The following SMAD3 variants were observed in gnomAD, a reference collection of about 807,000 sequenced individuals.
SMAD3 encodes the protein MAD homolog 3.
SMAD3 carries 12 observed loss-of-function variants against 51.8 expected under a neutral mutation model. That is an observed-to-expected ratio of 0.23 (90% CI 0.15 to 0.38). SMAD3 has a LOEUF of 0.38. Among genes scored for constraint, SMAD3 ranks in the 10% least tolerant of loss-of-function variants. The probability of loss-of-function intolerance (pLI) is 1.00; values close to 1 mark genes in which losing one functional copy is unlikely to be tolerated. For synonymous variants in SMAD3, 238 were observed against 227.7 expected, an observed-to-expected ratio of 1.05 and a Z score of -0.41; for missense variants, 294 against 565.6, an observed-to-expected ratio of 0.52 and a Z score of 4.87.
chr15:67,087,645 C>T (rs1403896642), intron 1 of SMAD3, among the ~76,000 whole-genome samples: 2 of 152,208 alleles, frequency 1.3e-5, no homozygotes, highest in African/African-American at 4.8e-5. Flanking sequence ...CCTTTCCCGG[C>T]GGGTGATTAT....
At position 67,066,133 on chromosome 15, in the gene SMAD3, C is replaced by T. The variant is rs758575599; in HGVS notation, c.-22C>T. 1.3e-6 allele frequency: 2 copies of T among 1,559,126 alleles called. No individual in the cohort carries two copies. The highest frequency in any genetic ancestry group is 8.7e-7 in the Non-Finnish European group (1 of 1,152,344). On this transcript the variant is annotated 5_prime_UTR_variant, in exon 1 of 9. Transcript: ENST00000327367. ...CAGCCCCGCCGGGGGCGCTCCTCGC[C>T]GCCCGCGCGCCCTCCCCAGCCATGT...
intron 1 of SMAD3, among the ~76,000 whole-genome samples, chr15:67,112,290 C>T (rs1161152446): frequency 6.6e-6 from 1 of 150,662 alleles, no homozygotes; most frequent in Non-Finnish European, 1.5e-5. Context: ...GCTGGGATTA[C>T]AGGCGCCCGC....
At chr15:67,103,464 G>C (rs954081443) in intron 1 of SMAD3, among the ~76,000 whole-genome samples, 3 of 152,226 alleles carry the variant, frequency 2.0e-5, no homozygotes, top group African/African-American at 7.2e-5. Flanking sequence ...TCATGGTTTT[G>C]TGTCCAGGCT....
At chr15:67,130,099 C>G (rs1321040657) in intron 1 of SMAD3, among the ~76,000 whole-genome samples, 1 of 152,126 alleles carries the variant, frequency 6.6e-6, no homozygotes, top group East Asian at 1.9e-4. Flanking sequence ...CTACTATGTC[C>G]CAAGTGCTGT....
chr15:67,067,415 C>T lies in SMAD3; in HGVS notation c.206+1055C>T, dbSNP rs899331109. ...TTGGCTTCCTGTCTCTACCTCTCAG[C>T]CTCCTTTGATGCTGAACCAAGGGAG... On this transcript the variant is annotated intron_variant, in intron 1 of 8. Transcript: ENST00000327367. Among the ~76,000 whole-genome samples the T allele has an allele frequency of 6.6e-5, 10 of 152,294 alleles. No individual in the cohort carries two copies. In the East Asian group the frequency reaches 1.7e-3, roughly 26 times the overall value.
chr15:67,185,326 A>G (rs1317651654), intron 7 of SMAD3, among the ~76,000 whole-genome samples: 1 of 152,196 alleles, frequency 6.6e-6, no homozygotes, highest in Non-Finnish European at 1.5e-5. Context: ...CAGCCCAGGT[A>G]GAGAGAAGGC....
chr15:67,091,319 C>T (rs1360503531), intron 1 of SMAD3, among the ~76,000 whole-genome samples: 1 of 152,248 alleles, frequency 6.6e-6, no homozygotes, highest in Admixed American at 6.5e-5. Context: ...AGAGATAGGA[C>T]CTGCCTCCAC....
chr15:67,179,303 C>A (rs1962989547), intron 5 of SMAD3, among the ~76,000 whole-genome samples: 1 of 152,178 alleles, frequency 6.6e-6, no homozygotes, highest in South Asian at 2.1e-4. Flanking sequence ...GCAATATCCG[C>A]AGCCTTTTTT....
At position 67,182,027 on chromosome 15, in the gene SMAD3, T is replaced by A. The variant is rs531785721; in HGVS notation, c.871+574T>A. On this transcript the variant is annotated intron_variant, in intron 6 of 8. Coordinates refer to ENST00000327367, the MANE Select transcript of SMAD3 (RefSeq NM_005902.4). Reference sequence around the variant, plus strand: ...GTCTCGAACTCCTGACCTCAGGTGATCCACCTGCCTTGGCCTCCCAAAGTG... The same window carrying A: ...GTCTCGAACTCCTGACCTCAGGTGAACCACCTGCCTTGGCCTCCCAAAGTG... 2.0e-5 allele frequency among the ~76,000 whole-genome samples: 3 copies of A among 152,314 alleles called. No individual in the cohort carries two copies. The South Asian group carries it at 6.2e-4, about 32-fold the overall frequency.
At chr15:67,137,211 ATT>A (rs1015756028) in intron 1 of SMAD3, among the ~76,000 whole-genome samples, 1 of 151,868 alleles carries the variant, frequency 6.6e-6, no homozygotes, top group Admixed American at 6.6e-5. Context: ...TTGTTTTGTC[ATT>A]TTTTTTCCCA....
At chr15:67,141,031 T>G (rs888349543) in intron 1 of SMAD3, among the ~76,000 whole-genome samples, 4 of 152,218 alleles carry the variant, frequency 2.6e-5, no homozygotes, top group Non-Finnish European at 2.9e-5. Flanking sequence ...AAAAACGCTC[T>G]GCAGGCCAAG....
chr15:67,126,527 C>G (rs1566976835), intron 1 of SMAD3, among the ~76,000 whole-genome samples: 1 of 152,112 alleles, frequency 6.6e-6, no homozygotes, highest in Non-Finnish European at 1.5e-5. Context: ...CAGGGGCTGA[C>G]CCTGCTCCAA....
intron 1 of SMAD3, among the ~76,000 whole-genome samples, chr15:67,131,677 A>G (rs1298390540): frequency 6.6e-6 from 1 of 152,070 alleles, no homozygotes; most frequent in Non-Finnish European, 1.5e-5. Flanking sequence ...CGAGAGCCCT[A>G]ACTTAGCCAC....
At chr15:67,109,719 C>T (rs2140232665) in intron 1 of SMAD3, among the ~76,000 whole-genome samples, 1 of 152,290 alleles carries the variant, frequency 6.6e-6, no homozygotes, top group South Asian at 2.1e-4. Context: ...CTGAGAAAAC[C>T]CCAGAGCTGA....
At chr15:67,084,356 C>T (rs1960345465) in intron 1 of SMAD3, among the ~76,000 whole-genome samples, 2 of 151,968 alleles carry the variant, frequency 1.3e-5, no homozygotes, top group African/African-American at 4.8e-5. Context: ...GCTGGGATTA[C>T]AGGCATGAGC....
intron 1 of SMAD3, among the ~76,000 whole-genome samples, chr15:67,148,488 G>A (rs529984689): frequency 6.6e-6 from 1 of 152,346 alleles, no homozygotes; most frequent in African/African-American, 2.4e-5. Context: ...CTTAGCCACA[G>A]ATGACTCTCT....
At chr15:67,081,420 G>A (rs1455236165) in intron 1 of SMAD3, among the ~76,000 whole-genome samples, 7 of 152,082 alleles carry the variant, frequency 4.6e-5, no homozygotes, top group Admixed American at 6.5e-5. Context: ...CCTGTGTGCC[G>A]CAGTAAGCCA....
At chr15:67,164,316 GAAAAAAAA>G (rs59880604) in intron 1 of SMAD3, among the ~76,000 whole-genome samples, 1,197 of 83,598 alleles carry the variant, frequency 0.014, 19 homozygotes, top group African/African-American at 0.042. Flanking sequence ...CTCCGTCTCA[GAAAAAAAA>G]AAAAAAAAAA....
intron 1 of SMAD3, among the ~76,000 whole-genome samples, chr15:67,136,755 G>A (rs1453587860): frequency 6.6e-6 from 1 of 152,228 alleles, no homozygotes; most frequent in Non-Finnish European, 1.5e-5. Context: ...AGTAAAGAGT[G>A]AAATTGCTGA....
Sources: gnomAD v4.1 joint callset for allele counts (sites outside exome capture counted in the v4.1 genomes callset) on GRCh38, gnomAD v4.1.1 for gene constraint, MANE v1.5 for transcripts, NCBI Gene and HGNC (gene_info 2026-07-23, HGNC 2026-07-21) for gene names.